The following ASPRV1 variants were observed in gnomAD, a reference collection of about 807,000 sequenced individuals.
The protein encoded by ASPRV1 is aspartic peptidase retroviral like 1.
A neutral mutation model predicts 11.0 loss-of-function variants in ASPRV1; 7 were observed. That is an observed-to-expected ratio of 0.64 (90% CI 0.36 to 1.20). The LOEUF (loss-of-function observed/expected upper bound fraction) is 1.20. ASPRV1 is among the 50% of genes most tolerant of loss of function. The pLI is 0.02. For missense variants in ASPRV1, 299 were observed against 320.0 expected, an observed-to-expected ratio of 0.93 and a Z score of 0.50; for synonymous variants, 136 against 138.4, an observed-to-expected ratio of 0.98 and a Z score of 0.12.
chr2:70,002,140 G>A, the ASPRV1 span, among the ~76,000 whole-genome samples: 1 of 152,148 alleles, frequency 6.6e-6, no homozygotes, highest in African/African-American at 2.4e-5. Flanking sequence ...ATGGCAGTGT[G>A]CACTGGCAGA....
At chr2:70,055,995 G>A in the ASPRV1 span, 1 of 152,136 alleles carries the variant, frequency 6.6e-6, no homozygotes, top group East Asian at 1.9e-4. Flanking sequence ...ACATAAAATG[G>A]ATTATTATTC....
the ASPRV1 span, among the ~76,000 whole-genome samples, chr2:70,077,075 T>C: frequency 5.3e-5 from 8 of 152,172 alleles, no homozygotes; most frequent in Non-Finnish European, 1.0e-4. Flanking sequence ...CCATAGTCTA[T>C]GCTCCTCACT....
the ASPRV1 span, chr2:70,080,929 C>G: frequency 6.6e-6 from 1 of 152,188 alleles, no homozygotes; most frequent in Non-Finnish European, 1.5e-5. Context: ...TCAACCTGCC[C>G]AGCAGCTGGG....
chr2:69,996,565 A>G, the ASPRV1 span: 348 of 388,966 alleles, frequency 8.9e-4, 2 homozygotes, highest in South Asian at 5.8e-3. Context: ...GTTCCAGAAC[A>G]ACAAAATGAA....
the ASPRV1 span, among the ~76,000 whole-genome samples, chr2:70,029,680 G>C: frequency 0.012 from 1,771 of 152,212 alleles, 44 homozygotes; most frequent in African/African-American, 0.041. Flanking sequence ...ACTTAGTGGA[G>C]GACATCAGAT....
the ASPRV1 span, among the ~76,000 whole-genome samples, chr2:69,948,935 G>C: frequency 6.6e-6 from 1 of 152,040 alleles, no homozygotes; most frequent in South Asian, 2.1e-4. Flanking sequence ...CCCCACTTGG[G>C]GAGCCTGCCT....
the ASPRV1 span, chr2:70,056,437 C>T: frequency 6.6e-6 from 1 of 151,666 alleles, no homozygotes; most frequent in Non-Finnish European, 1.5e-5. Context: ...AACCCCGTCT[C>T]TACTAAAAAT....
chr2:69,992,042 G>A, the ASPRV1 span, among the ~76,000 whole-genome samples: 4 of 152,172 alleles, frequency 2.6e-5, no homozygotes, highest in Non-Finnish European at 5.9e-5. Flanking sequence ...CCACCTATGG[G>A]GAATGTGACA....
chr2:70,031,830 C>G, the ASPRV1 span: 4 of 152,308 alleles, frequency 2.6e-5, no homozygotes, highest in Non-Finnish European at 4.4e-5. Flanking sequence ...CACAGCTCAG[C>G]TTTTACTTAT....
chr2:69,967,705 T>C, the ASPRV1 span, among the ~76,000 whole-genome samples: 1 of 152,218 alleles, frequency 6.6e-6, no homozygotes, highest in Non-Finnish European at 1.5e-5. Flanking sequence ...TCTACAGATA[T>C]TCTGTAAATA....
rs769314400 is a variant in ASPRV1 at position 69,960,795 on chromosome 2, A to C, written c.642T>G (p.Phe214Leu). 1.9e-6 allele frequency: 3 copies of C among 1,614,128 alleles called. No individual in the cohort carries two copies. The highest frequency in any genetic ancestry group is 2.5e-6 in the Non-Finnish European group (3 of 1,180,014). ...CTTTCAGGGTGCATGTGCGGTGCTC[A>C]AAGTCCAGGATAGCATTGTGGTCCT... ...VLQDHNAILD[F>L]EHRTCTLKGK... Residue 214 changes from phenylalanine to leucine, a missense_variant, in exon 1 of 1, where the codon TTT (phenylalanine) becomes TTG (leucine). Transcript: ENST00000320256.
At chr2:69,938,081 C>T in the ASPRV1 span, 2 of 1,612,192 alleles carry the variant, frequency 1.2e-6, no homozygotes, top group South Asian at 1.1e-5. Context: ...GTCCTTCTCT[C>T]TTGTCCTCCC....
At chr2:69,973,361 G>A in the ASPRV1 span, among the ~76,000 whole-genome samples, 1 of 152,126 alleles carries the variant, frequency 6.6e-6, no homozygotes, top group Non-Finnish European at 1.5e-5. Flanking sequence ...AAGCCAGAAA[G>A]ACAGATGTTG....
At chr2:70,082,675 A>C in the ASPRV1 span, among the ~76,000 whole-genome samples, 1,676 of 152,312 alleles carry the variant, frequency 0.011, 18 homozygotes, top group Non-Finnish European at 0.015. Context: ...GCGCCACTGC[A>C]CTCCATCCTG....
the ASPRV1 span, among the ~76,000 whole-genome samples, chr2:70,011,403 C>T: frequency 6.6e-6 from 1 of 152,042 alleles, no homozygotes; most frequent in Non-Finnish European, 1.5e-5. Flanking sequence ...GGGATGAGCG[C>T]CTGAGCTGAG....
chr2:69,935,938 A>T, the ASPRV1 span, among the ~76,000 whole-genome samples: 435 of 152,196 alleles, frequency 2.9e-3, 1 homozygote, highest in Middle Eastern at 0.01. Context: ...GGCTCAGGAC[A>T]AGCTCTGTCA....
the ASPRV1 span, among the ~76,000 whole-genome samples, chr2:70,067,203 T>C: frequency 6.6e-6 from 1 of 152,206 alleles, no homozygotes; most frequent in Non-Finnish European, 1.5e-5. Flanking sequence ...GGACAAGTCC[T>C]AGTGACTGGT....
chr2:70,015,076 G>T, the ASPRV1 span, among the ~76,000 whole-genome samples: 1 of 151,982 alleles, frequency 6.6e-6, no homozygotes, highest in African/African-American at 2.4e-5. Flanking sequence ...AAACCACAAA[G>T]AATTATCACC....
the ASPRV1 span, among the ~76,000 whole-genome samples, chr2:69,995,083 T>C: frequency 1.2e-3 from 175 of 151,754 alleles, no homozygotes; most frequent in Middle Eastern, 0.01. Context: ...AGGGTGAATA[T>C]TGTTTTGACA....
Sources: allele counts gnomAD v4.1 joint callset (sites outside exome capture counted in the v4.1 genomes callset), GRCh38; gene constraint gnomAD v4.1.1; transcripts MANE v1.5; gene names NCBI Gene and HGNC (gene_info 2026-07-23, HGNC 2026-07-21).